Variants in DNAH6 observed in about 807,000 individuals in gnomAD.
The protein encoded by DNAH6 is dynein axonemal heavy chain 6.
A neutral mutation model predicts 491.4 loss-of-function variants in DNAH6; 340 were observed. The observed-to-expected ratio is 0.69, with a 90% CI of 0.63 to 0.76. The LOEUF (loss-of-function observed/expected upper bound fraction) is 0.76, where lower values mean the gene tolerates loss of function less well. DNAH6 is among the 30% of genes least tolerant of loss of function. The probability of loss-of-function intolerance (pLI) is 0.00; values close to 1 mark genes in which losing one functional copy is unlikely to be tolerated. For missense variants in DNAH6, 4,443 were observed against 4,972.2 expected (o/e 0.89, Z 3.20); for synonymous variants, 1,603 against 1,686.1 (o/e 0.95, Z 1.21).
At chr2:84,608,327 T>C (rs1685980102) in intron 21 of DNAH6, among the ~76,000 whole-genome samples, 1 of 152,218 alleles carries the variant, frequency 6.6e-6, no homozygotes, top group Non-Finnish European at 1.5e-5. Context: ...TTCTAGAGGG[T>C]TTTTAAATTC....
intron 30 of DNAH6, 91 bp from the exon 31 acceptor site, chr2:84,637,119 C>T: frequency 1.8e-6 from 2 of 1,128,174 alleles, no homozygotes; most frequent in Non-Finnish European, 2.5e-6. Context: ...TTTAGTGCTT[C>T]ATTACATGAG....
In DNAH6 at chr2:84,573,549, A is replaced by G. The variant is rs143890721; in HGVS notation, c.1886A>G (p.Glu629Gly). 8.9e-5 allele frequency: 142 copies of G among 1,590,044 alleles called. 1 individual carries two copies. In the Middle Eastern group the frequency reaches 1.0e-3, roughly 11 times the overall value. ...EKFQIFFKENESLDLQALKLQ... is the reference protein window; with the variant it reads ...EKFQIFFKENGSLDLQALKLQ... The stretch of plus-strand genomic sequence containing the variant: ...TTCCAGATATTCTTCAAGGAAAATG[A>G]AAGTCTTGATTTACAAGCTCTTAAA... The change falls in exon 12 of 77, where the codon GAA (glutamate) becomes GGA (glycine). Residue 629 changes from glutamate to glycine, a missense_variant. By Grantham distance (98) the Glu-to-Gly change is moderately conservative. This residue lies in a region of DNAH6 where 2,977 missense variants were observed against 3,296.6 expected (regional missense o/e 0.90). Coordinates refer to ENST00000389394, the MANE Select transcript of DNAH6 (RefSeq NM_001370.2).
chr2:84,574,612 A>G (rs1254893148), intron 12 of DNAH6, among the ~76,000 whole-genome samples: 3 of 152,182 alleles, frequency 2.0e-5, no homozygotes, highest in Non-Finnish European at 4.4e-5. Flanking sequence ...CAATTTAGAA[A>G]ACAAAATTTA....
intron 16 of DNAH6, 90 bp from the exon 17 acceptor site, chr2:84,593,882 C>T (rs1448300130): frequency 1.0e-5 from 6 of 572,098 alleles, no homozygotes; most frequent in Non-Finnish European, 1.7e-5. Context: ...TCCAAGCAAT[C>T]ACTGTACCAA....
the DNAH6 span, among the ~76,000 whole-genome samples, chr2:84,472,885 T>C: frequency 2.0e-5 from 3 of 152,220 alleles, no homozygotes; most frequent in Admixed American, 6.5e-5. Context: ...CAGTCACATT[T>C]CGAATTAAGG....
intron 63 of DNAH6, among the ~76,000 whole-genome samples, chr2:84,757,346 C>A (rs1338765947): frequency 1.3e-5 from 2 of 152,190 alleles, no homozygotes; most frequent in Non-Finnish European, 2.9e-5. Context: ...ACTGCAAGTG[C>A]ACTGCAGGAT....
Position 84,694,260 on chromosome 2 carries a change from T to C in DNAH6, c.7304T>C (p.Met2435Thr), listed in dbSNP as rs1221630103. 3.9e-6 allele frequency: 6 copies of C among 1,551,848 alleles called. No homozygotes were observed. The highest frequency in any genetic ancestry group is 2.0e-5 in the Admixed American group (1 of 50,998). ...AIEHVSRIAR[M>T]IRQERGNALL... ...TCTGATGTTTGCAGGATTGCTCGGA[T>C]GATACGTCAAGAAAGAGGCAATGCC... Residue 2435 changes from methionine to threonine, a missense_variant, in exon 46 of 77, where the codon ATG (methionine) becomes ACG (threonine). Physicochemically the swap from Met to Thr is moderately conservative, Grantham distance 81 (BLOSUM62 -1). Transcript: ENST00000389394.
chr2:84,492,352 CAAATCTG>C, the DNAH6 span, among the ~76,000 whole-genome samples: 14,237 of 152,154 alleles, frequency 0.094, 774 homozygotes, highest in Non-Finnish European at 0.12. Flanking sequence ...GAGGATGGAG[CAAATCTG>C]AAGACCCATT....
intron 68 of DNAH6, among the ~76,000 whole-genome samples, chr2:84,794,520 C>T (rs1188618323): frequency 6.7e-6 from 1 of 150,294 alleles, no homozygotes; most frequent in African/African-American, 2.4e-5. Context: ...GGGCAAAGGA[C>T]ATGAACAGAC....
chr2:84,617,009 T>A (rs764972155), intron 23 of DNAH6, 27 bp downstream of exon 23: 2 of 1,283,816 alleles, frequency 1.6e-6, no homozygotes, highest in Non-Finnish European at 1.1e-6. Flanking sequence ...ACCTAAGATA[T>A]TTTTTAGTAG....
At position 84,710,371 on chromosome 2, in the gene DNAH6, G is replaced by A. The variant is rs368674123; in HGVS notation, c.9337G>A (p.Glu3113Lys). 158 of 1,551,632 alleles carry A rather than the reference G, an allele frequency of 1.0e-4. No homozygotes were observed. The highest frequency in any genetic ancestry group is 1.3e-4 in the Non-Finnish European group (145 of 1,146,958). The change falls in exon 56 of 77, where the codon GAG (glutamate) becomes AAG (lysine). Residue 3113 changes from glutamate to lysine, a missense_variant. By Grantham distance (56) the Glu-to-Lys change is moderately conservative. Coordinates refer to ENST00000389394, the MANE Select transcript of DNAH6 (RefSeq NM_001370.2). The stretch of plus-strand genomic sequence containing the variant: ...AGATAGTAATTTCTTACGAATACTC[G>A]AGAATTCAATCCGACTTGGTTTACC... ...LTDSNFLRIL[E>K]NSIRLGLPVL...
intron 72 of DNAH6, among the ~76,000 whole-genome samples, chr2:84,811,859 C>CA (rs34583430): frequency 0.19 from 19,571 of 104,716 alleles, 1,462 homozygotes; most frequent in Non-Finnish European, 0.21. Flanking sequence ...GATTCTGTCT[C>CA]AAAAAAAAAA....
the DNAH6 span, among the ~76,000 whole-genome samples, chr2:84,492,628 T>C: frequency 6.6e-6 from 1 of 152,234 alleles, no homozygotes; most frequent in Non-Finnish European, 1.5e-5. Flanking sequence ...AGTGGGGTTT[T>C]AAGAAGAAAT....
intron 7 of DNAH6, 94 bp downstream of exon 7, chr2:84,547,706 A>T: frequency 7.9e-7 from 1 of 1,272,394 alleles, no homozygotes; most frequent in Non-Finnish European, 1.1e-6. Flanking sequence ...TTAAATAATG[A>T]TTCTATGTTT....
Position 84,634,532 on chromosome 2 carries a change from C to T in DNAH6, c.4544C>T (p.Ala1515Val), listed in dbSNP as rs1296578221. ...KMMGRFFSGLAQSGAWCCFDE... is the reference protein window; with the variant it reads ...KMMGRFFSGLVQSGAWCCFDE... ...ATGGGGCGCTTCTTCAGTGGCTTGGCACAGTCAGGGGCCTGGTGCTGCTTT... is the reference window on the plus strand; with the variant it reads ...ATGGGGCGCTTCTTCAGTGGCTTGGTACAGTCAGGGGCCTGGTGCTGCTTT... Residue 1515 changes from alanine to valine, a missense_variant, in exon 30 of 77, where the codon GCA becomes GTA. Coordinates refer to ENST00000389394, the MANE Select transcript of DNAH6 (RefSeq NM_001370.2). The T allele has an allele frequency of 9.1e-6, 14 of 1,545,774 alleles. No homozygotes were observed. The Admixed American group carries it at 2.8e-4, about 31-fold the overall frequency.
In DNAH6 at chr2:84,653,410, C is replaced by G. The variant is rs1690647567; in HGVS notation, c.5170C>G (p.Gln1724Glu). ...QSTIVDVMNR[Q>E]NLQPEMCMVR... Reference sequence around the variant, plus strand: ...AACAATTGTGGATGTCATGAATAGACAAAATCTTCAGCCTGAGATGTGTAT... The same window carrying G: ...AACAATTGTGGATGTCATGAATAGAGAAAATCTTCAGCCTGAGATGTGTAT... Residue 1724 changes from glutamine to glutamate, a missense_variant, in exon 34 of 77, where the codon CAA becomes GAA. By Grantham distance (29) the Gln-to-Glu change is conservative (BLOSUM62 2). Transcript: ENST00000389394. The G allele has an allele frequency of 6.4e-7, 1 of 1,551,008 alleles. No individual in the cohort carries two copies. Among genetic ancestry groups the G allele is most frequent in the South Asian group, 1.2e-5 (1 of 84,018 alleles).
chr2:84,584,133 T>C lies in DNAH6; in HGVS notation c.2364T>C (p.Asn788=). ...AGCCATCCATTGTTGCTGTTCGGAA[T>C]GCCATTGATAAATCAGTGGGTGATA... The part of the protein sequence containing the change: ...TMKPSIVAVR[N]AIDKSVGDRE... Residue 788 remains asparagine (N), a synonymous_variant, in exon 15 of 77, where the codon AAT becomes AAC. Transcript: ENST00000389394. The C allele has an allele frequency of 2.5e-6, 4 of 1,614,184 alleles. No homozygotes were observed. Among genetic ancestry groups the C allele is most frequent in the Non-Finnish European group, 3.4e-6 (4 of 1,180,030 alleles).
At chr2:84,535,310 T>C (rs1677581075) in intron 4 of DNAH6, among the ~76,000 whole-genome samples, 1 of 151,940 alleles carries the variant, frequency 6.6e-6, no homozygotes, top group Non-Finnish European at 1.5e-5. Context: ...TCAAAAGAGA[T>C]GAGAAATTAG....
intron 57 of DNAH6, among the ~76,000 whole-genome samples, chr2:84,715,181 G>A (rs750044212): frequency 5.3e-5 from 8 of 151,872 alleles, no homozygotes; most frequent in Admixed American, 2.0e-4. Flanking sequence ...TTTAAATACC[G>A]GAAACTAAAG....
Sources: gnomAD v4.1 joint callset for allele counts (sites outside exome capture counted in the v4.1 genomes callset) on GRCh38, gnomAD v4.1.1 for gene constraint, gnomAD v4.1.1 regional missense constraint, MANE v1.5 for transcripts, NCBI Gene and HGNC (gene_info 2026-07-23, HGNC 2026-07-21) for gene names.